IGFBP5: variants seen among roughly 807,000 people sequenced by gnomAD.
IGFBP5 encodes insulin like growth factor binding protein 5.
In IGFBP5, 12 loss-of-function variants were observed where a neutral mutation model predicts 28.0. That is an observed-to-expected ratio of 0.43 (90% CI 0.27 to 0.69). The LOEUF (loss-of-function observed/expected upper bound fraction) is 0.69, where lower values mean the gene tolerates loss of function less well. IGFBP5 is among the 30% of genes least tolerant of loss of function. IGFBP5 has a pLI of 0.20. For missense variants in IGFBP5, 344 were observed against 381.6 expected, an observed-to-expected ratio of 0.90 and a Z score of 0.82; for synonymous variants, 152 against 150.2, an observed-to-expected ratio of 1.01 and a Z score of -0.09.
intron 1 of IGFBP5, among the ~76,000 whole-genome samples, chr2:216,683,029 G>A (rs1241158272): frequency 6.6e-6 from 1 of 152,072 alleles, no homozygotes; most frequent in Non-Finnish European, 1.5e-5. Context: ...TTAAAATCTG[G>A]AATTTGGAAT....
At position 216,676,532 on chromosome 2, in the gene IGFBP5, G is replaced by C. The variant is rs6413497; in HGVS notation, c.*219C>G. ...CCTCAAAAAGAAAACCATTTAAAGG[G>C]GGGGGGTGTCTTTTTAGCTTTTTGC... is the stretch of plus-strand genomic sequence containing the variant. On this transcript the variant is annotated 3_prime_UTR_variant, in exon 4 of 4. Transcript: ENST00000233813. 3 of 345,636 alleles carry C rather than the reference G, an allele frequency of 8.7e-6. No individual in the cohort carries two copies. Among genetic ancestry groups the C allele is most frequent in the Non-Finnish European group, 1.1e-5 (2 of 187,906 alleles). The allele number at this position is 345,636 out of a possible 1,614,324, so 21.4% of individuals were successfully genotyped here. A position where few individuals can be genotyped will look rare whatever the true frequency, so the allele number is the denominator to read the frequency against.
In IGFBP5 at chr2:216,676,670, C is replaced by A; in HGVS notation, c.*81G>T. 1.2e-6 allele frequency: 1 copy of A among 813,872 alleles called. No homozygotes were observed. The highest frequency in any genetic ancestry group is 3.6e-4 in the Middle Eastern group (1 of 2,762). The allele number at this position is 813,872 out of a possible 1,614,324, so 50.4% of individuals were successfully genotyped here. ...CCCTTAAATGAGATGAAATGAGTGG[C>A]GTCCTGGGGTGGAGGGAGGCGCTGG... On this transcript the variant is annotated 3_prime_UTR_variant, in exon 4 of 4. Coordinates refer to ENST00000233813, the MANE Select transcript of IGFBP5 (RefSeq NM_000599.4).
chr2:216,676,487 T>C lies in IGFBP5; in HGVS notation c.*264A>G. On this transcript the variant is annotated 3_prime_UTR_variant, in exon 4 of 4. Transcript: ENST00000233813. ...TTCCTCTCGTTCTTCCTCTCTTCCCTTCTCTGTTCATCCAACTTGCCTCAA... is the reference window on the plus strand; with the variant it reads ...TTCCTCTCGTTCTTCCTCTCTTCCCCTCTCTGTTCATCCAACTTGCCTCAA... 3.6e-6 allele frequency: 1 copy of C among 277,538 alleles called. No homozygotes were observed. Among genetic ancestry groups the C allele is most frequent in the South Asian group, 4.3e-5 (1 of 23,400 alleles). 17.2% of individuals were successfully genotyped at this position (277,538 alleles called of 1,614,324 possible). A position where few individuals can be genotyped will look rare whatever the true frequency, so the allele number is the denominator to read the frequency against.
At chr2:216,685,052 G>A (rs1312277594) in intron 1 of IGFBP5, among the ~76,000 whole-genome samples, 2 of 152,174 alleles carry the variant, frequency 1.3e-5, no homozygotes, top group African/African-American at 4.8e-5. Context: ...GGGAGGCCAA[G>A]GAGGTTGGAT....
chr2:216,686,530 T>C (rs552437956), intron 1 of IGFBP5, among the ~76,000 whole-genome samples: 1 of 152,104 alleles, frequency 6.6e-6, no homozygotes, highest in African/African-American at 2.4e-5. Flanking sequence ...GAAGGGAGGA[T>C]GGCTTGAACC....
Position 216,692,334 on chromosome 2 carries a change from C to A in IGFBP5, c.337+2105G>T, listed in dbSNP as rs1689109239. On this transcript the variant is annotated intron_variant, in intron 1 of 3. Transcript: ENST00000233813. The surrounding 1 kb of genome is among the most constrained non-coding windows in gnomAD (Gnocchi z 4.2). ...GAGCAAGGGGCGGCAGGGAATTCTACAGGGGATCTTGCTTGGGACTGAAGT... is the reference window on the plus strand; with the variant it reads ...GAGCAAGGGGCGGCAGGGAATTCTAAAGGGGATCTTGCTTGGGACTGAAGT... Among the ~76,000 whole-genome samples, 1 of 148,716 alleles carries A rather than the reference C, an allele frequency of 6.7e-6. No individual in the cohort carries two copies. The highest frequency in any genetic ancestry group is 6.7e-5 in the Admixed American group (1 of 14,976).
intron 1 of IGFBP5, among the ~76,000 whole-genome samples, chr2:216,684,622 G>C (rs1378190948): frequency 6.6e-6 from 1 of 152,166 alleles, no homozygotes; most frequent in Admixed American, 6.5e-5. Context: ...AGCTGAATTT[G>C]TTCTGGGTTT....
At chr2:216,683,246 G>A (rs956508360) in intron 1 of IGFBP5, among the ~76,000 whole-genome samples, 2 of 152,172 alleles carry the variant, frequency 1.3e-5, no homozygotes, top group Non-Finnish European at 2.9e-5. Context: ...GCTTGAGCCC[G>A]GAAGGTGGGA....
rs2106215554 is a variant in IGFBP5, at chr2:216,675,066, T to A, written c.*1685A>T. On this transcript the variant is annotated 3_prime_UTR_variant, in exon 4 of 4. Coordinates refer to ENST00000233813, the MANE Select transcript of IGFBP5 (RefSeq NM_000599.4). ...TTCCTCTCAAATCCTAGAAAATACA[T>A]ATGGTGGGGAAGCTAAGGAAATTTC... 6.6e-6 allele frequency: 1 copy of A among 152,294 alleles called. No individual in the cohort carries two copies. Among genetic ancestry groups the A allele is most frequent in the South Asian group, 2.1e-4 (1 of 4,822 alleles). 9.4% of individuals were successfully genotyped at this position (152,294 alleles called of 1,614,324 possible). A position where few individuals can be genotyped will look rare whatever the true frequency, so the allele number is the denominator to read the frequency against.
chr2:216,682,813 A>G (rs924908028), intron 1 of IGFBP5, among the ~76,000 whole-genome samples: 3 of 151,250 alleles, frequency 2.0e-5, no homozygotes, highest in Non-Finnish European at 4.4e-5. Context: ...GGTTTACGCC[A>G]TTCTCCTGCC....
intron 1 of IGFBP5, among the ~76,000 whole-genome samples, chr2:216,689,872 C>A (rs1057513375): frequency 1.3e-5 from 2 of 152,230 alleles, no homozygotes; most frequent in Non-Finnish European, 2.9e-5. Context: ...AACTAACTAA[C>A]CTGGTTAGGT....
chr2:216,690,770 A>C (rs1446010785), intron 1 of IGFBP5, among the ~76,000 whole-genome samples: 1 of 149,808 alleles, frequency 6.7e-6, no homozygotes, highest in Non-Finnish European at 1.5e-5. Flanking sequence ...GAAGAGTAGG[A>C]GGGAGGGGTG....
chr2:216,679,048 G>T lies in IGFBP5; in HGVS notation c.369C>A (p.Thr123=). ...AGGTCTCCTCGGCCATCTCAGAGGT[G>T]GTGGGCTCCTCGTGCTCACGGGAGT... ...ERDSREHEEP[T]TSEMAEETYS... is the part of the protein sequence containing the mutation. The change falls in exon 2 of 4, where the codon ACC becomes ACA. Residue 123 remains threonine (T), a synonymous_variant. Coordinates refer to ENST00000233813, the MANE Select transcript of IGFBP5 (RefSeq NM_000599.4). This position sits in a 1 kb window ranked among gnomAD's most constrained non-coding sequence, Gnocchi z 4.6. 1 of 1,614,176 alleles carries T rather than the reference G, an allele frequency of 6.2e-7. No homozygotes were observed. The highest frequency in any genetic ancestry group is 8.5e-7 in the Non-Finnish European group (1 of 1,180,038).
intron 1 of IGFBP5, among the ~76,000 whole-genome samples, chr2:216,682,277 G>C (rs1688985235): frequency 6.6e-6 from 1 of 152,176 alleles, no homozygotes; most frequent in African/African-American, 2.4e-5. Flanking sequence ...GTCACCTGTA[G>C]GCTCCAGAGA....
chr2:216,678,549 TTCAG>T (rs1688932151), intron 2 of IGFBP5, among the ~76,000 whole-genome samples: 1 of 152,302 alleles, frequency 6.6e-6, no homozygotes, highest in South Asian at 2.1e-4. Flanking sequence ...TAGGAGAATA[TTCAG>T]TCTCTGCCTT....
At position 216,692,414 on chromosome 2, in the gene IGFBP5, C is replaced by T. The variant is rs1222696465; in HGVS notation, c.337+2025G>A. Among the ~76,000 whole-genome samples, 2 of 143,060 alleles carry T rather than the reference C, an allele frequency of 1.4e-5. No individual in the cohort carries two copies. The highest frequency in any genetic ancestry group is 4.1e-4 in the East Asian group (2 of 4,888). The allele number at this position is 143,060 out of a possible 152,430, so 93.9% of individuals were successfully genotyped here. A position where few individuals can be genotyped will look rare whatever the true frequency, so the allele number is the denominator to read the frequency against. ...GTGTGTGTGTGTGTGATGCGCCCTCCGTGCTCGCCTAGCAATTGCGCGCGC... is the reference window on the plus strand; with the variant it reads ...GTGTGTGTGTGTGTGATGCGCCCTCTGTGCTCGCCTAGCAATTGCGCGCGC... On this transcript the variant is annotated intron_variant, in intron 1 of 3. Transcript: ENST00000233813. The surrounding 1 kb of genome is among the most constrained non-coding windows in gnomAD (Gnocchi z 4.2).
chr2:216,676,535 G>T lies in IGFBP5; in HGVS notation c.*216C>A. ...CAAAAAGAAAACCATTTAAAGGGGGGGGGTGTCTTTTTAGCTTTTTGCATC... is the reference window on the plus strand; with the variant it reads ...CAAAAAGAAAACCATTTAAAGGGGGTGGGTGTCTTTTTAGCTTTTTGCATC... On this transcript the variant is annotated 3_prime_UTR_variant, in exon 4 of 4. Coordinates refer to ENST00000233813, the MANE Select transcript of IGFBP5 (RefSeq NM_000599.4). 1 of 354,792 alleles carries T rather than the reference G, an allele frequency of 2.8e-6. No homozygotes were observed. Among genetic ancestry groups the T allele is most frequent in the Non-Finnish European group, 5.2e-6 (1 of 193,824 alleles). 22.0% of individuals were successfully genotyped at this position (354,792 alleles called of 1,614,324 possible).
At chr2:216,690,837 C>T (rs1689086377) in intron 1 of IGFBP5, among the ~76,000 whole-genome samples, 1 of 140,950 alleles carries the variant, frequency 7.1e-6, no homozygotes, top group South Asian at 2.2e-4. Context: ...GCTAACTCTG[C>T]TTGTTCTTCC....
rs1688894256 is a variant in IGFBP5, at chr2:216,676,117, G to A, written c.*634C>T. 1 of 152,626 alleles carries A rather than the reference G, an allele frequency of 6.6e-6. No homozygotes were observed. Among genetic ancestry groups the A allele is most frequent in the South Asian group, 2.1e-4 (1 of 4,832 alleles). 9.5% of individuals were successfully genotyped at this position (152,626 alleles called of 1,614,324 possible). A position where few individuals can be genotyped will look rare whatever the true frequency, so the allele number is the denominator to read the frequency against. ...TTTAGTTTTTATAAATTTGGGGAGAGACAACACTCTGCCCAGGTAAGAGGA... is the reference window on the plus strand; with the variant it reads ...TTTAGTTTTTATAAATTTGGGGAGAAACAACACTCTGCCCAGGTAAGAGGA... On this transcript the variant is annotated 3_prime_UTR_variant, in exon 4 of 4. Transcript: ENST00000233813.
Sources: gnomAD v4.1 joint callset for allele counts (sites outside exome capture counted in the v4.1 genomes callset) on GRCh38, gnomAD v4.1.1 for gene constraint, Gnocchi (gnomAD v3.1) non-coding constraint, MANE v1.5 for transcripts, NCBI Gene and HGNC (gene_info 2026-07-23, HGNC 2026-07-21) for gene names.